Variants in FGF14 observed in about 807,000 individuals in gnomAD.
FGF14 encodes fibroblast growth factor 14.
In FGF14, 5 loss-of-function variants were observed where a neutral mutation model predicts 25.5. That is an observed-to-expected ratio of 0.20 (90% CI 0.10 to 0.41). FGF14 has a LOEUF of 0.41. Ranked by LOEUF, FGF14 falls within the 10% of genes least tolerant of loss-of-function variation. The pLI, the probability that FGF14 is intolerant of heterozygous loss-of-function variation, is 1.00. For missense variants in FGF14, 222 were observed against 320.1 expected (o/e 0.69, Z 2.34); for synonymous variants, 138 against 118.3 (o/e 1.17, Z -1.08).
chr13:101,953,879 C>T (rs1009004845), intron 1 of FGF14, among the ~76,000 whole-genome samples: 16 of 151,994 alleles, frequency 1.1e-4, no homozygotes, highest in African/African-American at 3.1e-4. Flanking sequence ...AGTGAGTCAC[C>T]GTGCCCGGCC....
chr13:102,154,458 G>A (rs2140520945), intron 1 of FGF14, among the ~76,000 whole-genome samples: 1 of 152,206 alleles, frequency 6.6e-6, no homozygotes, highest in South Asian at 2.1e-4. Context: ...TTACAGACAA[G>A]TAAATGCTGA....
chr13:102,183,622 G>T (rs1019563633), intron 1 of FGF14, among the ~76,000 whole-genome samples: 7 of 152,150 alleles, frequency 4.6e-5, no homozygotes, highest in African/African-American at 1.7e-4. Context: ...TGTCAGAATG[G>T]AAGGTGCACT....
At chr13:102,117,538 T>C (rs1038275199) in intron 1 of FGF14, among the ~76,000 whole-genome samples, 1 of 146,036 alleles carries the variant, frequency 6.8e-6, no homozygotes, top group Non-Finnish European at 1.5e-5. Flanking sequence ...GACATATCTC[T>C]AGAAGTACAA....
chr13:102,154,640 T>C (rs1191691841), intron 1 of FGF14, among the ~76,000 whole-genome samples: 1 of 152,124 alleles, frequency 6.6e-6, no homozygotes, highest in Non-Finnish European at 1.5e-5. Context: ...AACATCATAA[T>C]GACAGGATCA....
intron 1 of FGF14, among the ~76,000 whole-genome samples, chr13:102,103,100 G>T (rs976397097): frequency 6.6e-6 from 1 of 152,150 alleles, no homozygotes; most frequent in African/African-American, 2.4e-5. Context: ...GATGAAATTT[G>T]CTGAGGGAGA....
chr13:102,157,690 G>A (rs1033830878), intron 1 of FGF14, among the ~76,000 whole-genome samples: 2 of 152,176 alleles, frequency 1.3e-5, no homozygotes, highest in Non-Finnish European at 2.9e-5. Flanking sequence ...CTTCTGCACA[G>A]CAAAAAAATT....
Position 102,093,080 on chromosome 13 carries a change from T to C in FGF14, c.209-217784A>G, listed in dbSNP as rs535989313. ...AACCCTTGAACAACACGGTTTGAACTGTACACATCTATTTCTATGTAGAAT... is the reference window on the plus strand; with the variant it reads ...AACCCTTGAACAACACGGTTTGAACCGTACACATCTATTTCTATGTAGAAT... On this transcript the variant is annotated intron_variant, in intron 1 of 4. Transcript: ENST00000376131. 1.1e-4 allele frequency among the ~76,000 whole-genome samples: 16 copies of C among 152,324 alleles called. No individual in the cohort carries two copies. The East Asian group carries it at 2.7e-3, about 26-fold the overall frequency.
chr13:101,895,331 T>A (rs1356738361), intron 1 of FGF14, among the ~76,000 whole-genome samples: 1 of 152,194 alleles, frequency 6.6e-6, no homozygotes, highest in Non-Finnish European at 1.5e-5. Flanking sequence ...ATGCCTTTAG[T>A]CCTTTATAAG....
chr13:101,767,768 C>T (rs1422200850), intron 3 of FGF14, among the ~76,000 whole-genome samples: 1 of 152,004 alleles, frequency 6.6e-6, no homozygotes, highest in Non-Finnish European at 1.5e-5. Context: ...CTCTCTGCTA[C>T]CCTGTTGGGA....
chr13:102,286,132 T>C (rs1386074629), intron 1 of FGF14, among the ~76,000 whole-genome samples: 1 of 152,194 alleles, frequency 6.6e-6, no homozygotes, highest in African/African-American at 2.4e-5. Context: ...CGTTCATGAA[T>C]GTTTTTATTT....
chr13:102,207,785 T>G (rs187214048), intron 1 of FGF14, among the ~76,000 whole-genome samples: 3 of 152,128 alleles, frequency 2.0e-5, no homozygotes, highest in African/African-American at 7.2e-5. Flanking sequence ...AAACATTGCA[T>G]TTTTCTAATT....
chr13:101,887,313 T>G (rs949499180), intron 1 of FGF14, among the ~76,000 whole-genome samples: 3 of 143,754 alleles, frequency 2.1e-5, no homozygotes, highest in African/African-American at 8.0e-5. Flanking sequence ...GTAAATATAT[T>G]TCATATATAT....
chr13:102,217,671 T>A (rs2050432412), intron 1 of FGF14, among the ~76,000 whole-genome samples: 1 of 152,116 alleles, frequency 6.6e-6, no homozygotes, highest in Admixed American at 6.5e-5. Flanking sequence ...AGATGTTGAC[T>A]CAGAAAAAGA....
intron 1 of FGF14, among the ~76,000 whole-genome samples, chr13:101,976,034 T>C (rs2037902223): frequency 6.6e-6 from 1 of 152,212 alleles, no homozygotes; most frequent in South Asian, 2.1e-4. Flanking sequence ...TTCAGAACAA[T>C]GAGCCTGGGT....
At chr13:102,355,950 T>G (rs1445084780) in intron 1 of FGF14, among the ~76,000 whole-genome samples, 1 of 152,212 alleles carries the variant, frequency 6.6e-6, no homozygotes, top group Non-Finnish European at 1.5e-5. Context: ...AAACCTCATG[T>G]GACTTTGCAC....
Position 102,120,669 on chromosome 13 carries a change from A to C in FGF14, c.209-245373T>G, listed in dbSNP as rs660557. On this transcript the variant is annotated intron_variant, in intron 1 of 4. Transcript: ENST00000376131. ...AAGAGATTTGACAGTACAACACAGC[A>C]TAGCCTTGCGGCTCATCTACCATAG... 2.0e-5 allele frequency among the ~76,000 whole-genome samples: 3 copies of C among 151,500 alleles called. No homozygotes were observed. The East Asian group carries it at 5.8e-4, about 30-fold the overall frequency.
chr13:102,046,815 T>C (rs2042004880), intron 1 of FGF14, among the ~76,000 whole-genome samples: 1 of 152,176 alleles, frequency 6.6e-6, no homozygotes, highest in Non-Finnish European at 1.5e-5. Flanking sequence ...ATTTGCTATA[T>C]TTGAAGCATA....
At chr13:101,771,375 A>G (rs112553082) in intron 3 of FGF14, among the ~76,000 whole-genome samples, 1 of 151,584 alleles carries the variant, frequency 6.6e-6, no homozygotes, top group East Asian at 1.9e-4. Context: ...ATGCCCCCCC[A>G]CCCAAGTATT....
At chr13:101,850,161 C>A (rs1406516905) in intron 3 of FGF14, among the ~76,000 whole-genome samples, 1 of 150,612 alleles carries the variant, frequency 6.6e-6, no homozygotes, top group Non-Finnish European at 1.5e-5. Context: ...TGGCCAGGCA[C>A]GCTGGCTCAC....
Sources: gnomAD v4.1 joint callset for allele counts (sites outside exome capture counted in the v4.1 genomes callset) on GRCh38, gnomAD v4.1.1 for gene constraint, MANE v1.5 for transcripts, NCBI Gene and HGNC (gene_info 2026-07-23, HGNC 2026-07-21) for gene names.